EPHA3: variants seen among roughly 807,000 people sequenced by gnomAD.
EPHA3 encodes the protein ephrin type-A receptor 3.
Under a neutral mutation model 107.1 loss-of-function variants are expected in EPHA3, and 42 were observed. The observed-to-expected ratio is 0.39, with a 90% CI of 0.31 to 0.51. The LOEUF (loss-of-function observed/expected upper bound fraction) is 0.51. Among genes scored for constraint, EPHA3 ranks in the 20% least tolerant of loss-of-function variants. EPHA3 has a pLI of 0.78. For missense variants in EPHA3, 1,183 were observed against 1,211.2 expected, an observed-to-expected ratio of 0.98 and a Z score of 0.35; for synonymous variants, 461 against 424.8, an observed-to-expected ratio of 1.09 and a Z score of -1.05.
chr3:89,430,751 T>C (rs759764029), intron 12 of EPHA3, among the ~76,000 whole-genome samples: 4 of 152,136 alleles, frequency 2.6e-5, no homozygotes, highest in Non-Finnish European at 4.4e-5. Context: ...TCATAAAATA[T>C]CAGGAAACAA....
intron 2 of EPHA3, among the ~76,000 whole-genome samples, chr3:89,182,309 A>G (rs1243608437): frequency 2.0e-5 from 3 of 151,956 alleles, no homozygotes; most frequent in Non-Finnish European, 4.4e-5. Flanking sequence ...CCGGGAATGT[A>G]TAATTGCTAA....
chr3:89,170,763 G>GA (rs1035200227), intron 2 of EPHA3, among the ~76,000 whole-genome samples: 1 of 151,904 alleles, frequency 6.6e-6, no homozygotes, highest in Non-Finnish European at 1.5e-5. Context: ...CTTGAGTGAA[G>GA]AAAAAGAAAA....
intron 2 of EPHA3, among the ~76,000 whole-genome samples, chr3:89,170,704 C>T (rs551707615): frequency 9.9e-5 from 15 of 152,008 alleles, no homozygotes; most frequent in African/African-American, 2.2e-4. Context: ...AAAAATGATA[C>T]GTTTCTATAT....
At chr3:89,401,560 A>G (rs1298410624) in intron 7 of EPHA3, among the ~76,000 whole-genome samples, 1 of 152,228 alleles carries the variant, frequency 6.6e-6, no homozygotes, top group African/African-American at 2.4e-5. Flanking sequence ...GTTAAGTGGT[A>G]CGAAGAAAGT....
intron 5 of EPHA3, among the ~76,000 whole-genome samples, chr3:89,389,007 C>T (rs1049709629): frequency 3.9e-5 from 6 of 152,070 alleles, no homozygotes; most frequent in Non-Finnish European, 7.4e-5. Context: ...AACTAATCCA[C>T]GGCTGGAAAA....
In EPHA3 at chr3:89,341,757, C is replaced by G. The variant is rs1286945505; in HGVS notation, c.973C>G (p.Pro325Ala). Residue 325 changes from proline (P) to alanine (A), a missense_variant and splice_region_variant, in exon 5 of 17, where the codon CCT becomes GCT. Coordinates refer to ENST00000336596, the MANE Select transcript of EPHA3 (RefSeq NM_005233.6). ...ATCTTTGTTGAACTACTTTGCAGGA[C>G]CTCCATCTTCACCAAGAAATGTTAT... The part of the protein sequence containing the change: ...KDPPSMACTR[P>A]PSSPRNVISN... The G allele has an allele frequency of 1.0e-5, 16 of 1,605,992 alleles. 2 individuals carry two copies. In the South Asian group the frequency reaches 1.8e-4, roughly 18 times the overall value.
chr3:89,453,645 A>G (rs1710039593), intron 15 of EPHA3, among the ~76,000 whole-genome samples: 1 of 152,160 alleles, frequency 6.6e-6, no homozygotes, highest in Admixed American at 6.6e-5. Context: ...TAACAACCTC[A>G]CATTACTATA....
chr3:89,314,496 A>C (rs1281296179), intron 3 of EPHA3, among the ~76,000 whole-genome samples: 5 of 152,028 alleles, frequency 3.3e-5, no homozygotes, highest in Non-Finnish European at 5.9e-5. Context: ...GATTATAAAG[A>C]GTGAAAGCTC....
intron 3 of EPHA3, among the ~76,000 whole-genome samples, chr3:89,320,505 T>G (rs1233891138): frequency 6.6e-6 from 1 of 152,040 alleles, no homozygotes; most frequent in Non-Finnish European, 1.5e-5. Flanking sequence ...AGCCATCTTG[T>G]GTCATCTTCT....
At chr3:89,431,686 T>G (rs1203145054) in intron 13 of EPHA3, among the ~76,000 whole-genome samples, 2 of 152,138 alleles carry the variant, frequency 1.3e-5, no homozygotes, top group African/African-American at 4.8e-5. Flanking sequence ...GCTAGCAGAT[T>G]GGATAAATTC....
At chr3:89,205,826 G>C (rs1576229298) in intron 2 of EPHA3, among the ~76,000 whole-genome samples, 2 of 150,884 alleles carry the variant, frequency 1.3e-5, no homozygotes, top group East Asian at 3.9e-4. Flanking sequence ...TCTCTGCCTT[G>C]AGACAATTTC....
intron 3 of EPHA3, among the ~76,000 whole-genome samples, chr3:89,274,833 A>G (rs1257608458): frequency 1.3e-5 from 2 of 151,946 alleles, no homozygotes; most frequent in African/African-American, 4.8e-5. Flanking sequence ...ATCATGCATA[A>G]TCTTCACCAA....
At chr3:89,346,307 A>G (rs1707651884) in intron 5 of EPHA3, among the ~76,000 whole-genome samples, 1 of 132,226 alleles carries the variant, frequency 7.6e-6, no homozygotes, top group African/African-American at 2.9e-5. Flanking sequence ...AATGATTGCC[A>G]TTCTAACTGG....
In EPHA3 at chr3:89,210,346, G is replaced by T; in HGVS notation, c.640G>T (p.Asp214Tyr). 6.2e-7 allele frequency: 1 copy of T among 1,613,694 alleles called. No individual in the cohort carries two copies. The highest frequency in any genetic ancestry group is 8.5e-7 in the Non-Finnish European group (1 of 1,179,824). The stretch of plus-strand genomic sequence containing the variant: ...AGTGAAGAATCTGGCTATGTTTCCA[G>T]ACACGGTACCCATGGACTCCCAGTC... ...FTVKNLAMFP[D>Y]TVPMDSQSLV... The change falls in exon 3 of 17, where the codon GAC becomes TAC. Residue 214 changes from aspartate to tyrosine, a missense_variant. Physicochemically the swap from Asp to Tyr is radical, Grantham distance 160 (BLOSUM62 -3). Coordinates refer to ENST00000336596, the MANE Select transcript of EPHA3 (RefSeq NM_005233.6).
intron 7 of EPHA3, among the ~76,000 whole-genome samples, chr3:89,403,494 G>GAA (rs111701112): frequency 3.4e-5 from 5 of 148,612 alleles, no homozygotes; most frequent in African/African-American, 1.2e-4. Flanking sequence ...TATTGCACAT[G>GAA]AAAAAAAAAA....
intron 3 of EPHA3, among the ~76,000 whole-genome samples, chr3:89,279,219 G>A (rs1299194376): frequency 6.6e-6 from 1 of 151,986 alleles, no homozygotes; most frequent in Non-Finnish European, 1.5e-5. Flanking sequence ...ACACACCCAG[G>A]AAACCTCATT....
intron 2 of EPHA3, among the ~76,000 whole-genome samples, chr3:89,140,830 C>G (rs1182365266): frequency 6.6e-6 from 1 of 151,626 alleles, no homozygotes; most frequent in Non-Finnish European, 1.5e-5. Flanking sequence ...GAAATTTGTT[C>G]ACTCTGTTAT....
At chr3:89,251,891 T>C (rs1463104606) in intron 3 of EPHA3, among the ~76,000 whole-genome samples, 1 of 152,170 alleles carries the variant, frequency 6.6e-6, no homozygotes, top group Non-Finnish European at 1.5e-5. Flanking sequence ...TTTCAGGCCA[T>C]CTCTATTTTA....
chr3:89,231,738 T>C (rs1297792804), intron 3 of EPHA3, among the ~76,000 whole-genome samples: 2 of 152,146 alleles, frequency 1.3e-5, no homozygotes, highest in Admixed American at 6.5e-5. Flanking sequence ...ATGGCTGACA[T>C]GCTGTAGCAA....
Sources: gnomAD v4.1 joint callset for allele counts (sites outside exome capture counted in the v4.1 genomes callset) on GRCh38, gnomAD v4.1.1 for gene constraint, MANE v1.5 for transcripts, NCBI Gene and HGNC (gene_info 2026-07-23, HGNC 2026-07-21) for gene names.